Variants in RBMS3 observed in about 807,000 individuals in gnomAD.
RBMS3 encodes RNA binding motif single stranded interacting protein 3, also known as RNA-binding motif, single-stranded-interacting protein 3.
In RBMS3, 27 loss-of-function variants were observed where a neutral mutation model predicts 66.8. The observed-to-expected ratio is 0.40, with a 90% CI of 0.30 to 0.56. The LOEUF is 0.56. Ranked by LOEUF, RBMS3 falls within the 20% of genes least tolerant of loss-of-function variation. The probability of loss-of-function intolerance (pLI) is 0.40; values close to 1 mark genes in which losing one functional copy is unlikely to be tolerated. For missense variants in RBMS3, 513 were observed against 549.5 expected (o/e 0.93, Z 0.66); for synonymous variants, 188 against 183.0 (o/e 1.03, Z -0.22).
chr3:29,955,909 G>A (rs1163936935), intron 12 of RBMS3, among the ~76,000 whole-genome samples: 1 of 151,994 alleles, frequency 6.6e-6, no homozygotes, highest in Non-Finnish European at 1.5e-5. Context: ...CCCTTCACCT[G>A]ATTTTTCTCA....
intron 10 of RBMS3, among the ~76,000 whole-genome samples, chr3:29,906,537 C>T (rs2060382273): frequency 6.6e-6 from 1 of 152,040 alleles, no homozygotes; most frequent in Non-Finnish European, 1.5e-5. Context: ...TTTTGTAACA[C>T]ATGAAATAAA....
chr3:29,645,702 A>G (rs986329364), intron 4 of RBMS3, among the ~76,000 whole-genome samples: 1 of 152,172 alleles, frequency 6.6e-6, no homozygotes, highest in Non-Finnish European at 1.5e-5. Flanking sequence ...GGCAGAGTCT[A>G]CTTTGGGTTT....
chr3:29,569,836 C>A (rs1416670694), intron 3 of RBMS3, among the ~76,000 whole-genome samples: 1 of 152,012 alleles, frequency 6.6e-6, no homozygotes, highest in East Asian at 1.9e-4. Flanking sequence ...GGAATAAAAT[C>A]AGTTTTGCAA....
At chr3:29,989,316 G>T (rs1302073758) in intron 13 of RBMS3, among the ~76,000 whole-genome samples, 4 of 152,136 alleles carry the variant, frequency 2.6e-5, no homozygotes, top group African/African-American at 9.7e-5. Context: ...TATGCAGATG[G>T]TGGTAAAACA....
chr3:29,369,781 C>T (rs542631245), intron 1 of RBMS3, among the ~76,000 whole-genome samples: 7 of 151,830 alleles, frequency 4.6e-5, no homozygotes, highest in Non-Finnish European at 1.0e-4. Flanking sequence ...AAATTCTTTC[C>T]AGTAAAGAGG....
intron 3 of RBMS3, among the ~76,000 whole-genome samples, chr3:29,504,709 A>T (rs753672425): frequency 6.6e-6 from 1 of 151,986 alleles, no homozygotes; most frequent in Non-Finnish European, 1.5e-5. Context: ...CATTCCCACC[A>T]AGAATGTGCA....
At chr3:29,612,117 C>A (rs2048512408) in intron 4 of RBMS3, among the ~76,000 whole-genome samples, 1 of 151,854 alleles carries the variant, frequency 6.6e-6, no homozygotes, top group South Asian at 2.1e-4. Context: ...TAGAAGAGCA[C>A]CGACTTTACT....
At chr3:29,336,095 G>A (rs947743854) in intron 1 of RBMS3, among the ~76,000 whole-genome samples, 16 of 151,918 alleles carry the variant, frequency 1.1e-4, no homozygotes, top group Non-Finnish European at 4.4e-5. Flanking sequence ...GAATGAATTC[G>A]GCATCTTTAA....
At chr3:29,832,879 A>T (rs553687160) in intron 6 of RBMS3, among the ~76,000 whole-genome samples, 1 of 152,260 alleles carries the variant, frequency 6.6e-6, no homozygotes, top group South Asian at 2.1e-4. Context: ...GCCCCCTCCA[A>T]GCCAGCTCCC....
intron 4 of RBMS3, among the ~76,000 whole-genome samples, chr3:29,736,650 C>G (rs1160516375): frequency 6.6e-6 from 1 of 152,188 alleles, no homozygotes; most frequent in African/African-American, 2.4e-5. Flanking sequence ...TGATGAGGAA[C>G]TCCAAAGCTC....
intron 4 of RBMS3, among the ~76,000 whole-genome samples, chr3:29,738,736 G>T (rs2054489291): frequency 6.6e-6 from 1 of 152,170 alleles, no homozygotes; most frequent in Non-Finnish European, 1.5e-5. Flanking sequence ...TAGTTCTGTG[G>T]TGAGGCCTGA....
At chr3:29,410,647 A>T (rs1180719342) in intron 1 of RBMS3, among the ~76,000 whole-genome samples, 1 of 152,228 alleles carries the variant, frequency 6.6e-6, no homozygotes, top group Admixed American at 6.5e-5. Context: ...TAAAATTTTA[A>T]ATCTAAAACT....
At chr3:29,420,560 G>T (rs964184638) in intron 1 of RBMS3, among the ~76,000 whole-genome samples, 3 of 123,258 alleles carry the variant, frequency 2.4e-5, no homozygotes, top group Admixed American at 9.0e-5. Context: ...ACTTAGGTTT[G>T]TTTTTTTTTG....
chr3:29,712,335 C>T (rs1200908233), intron 4 of RBMS3, among the ~76,000 whole-genome samples: 2 of 151,984 alleles, frequency 1.3e-5, no homozygotes, highest in African/African-American at 2.4e-5. Flanking sequence ...TATTTTGAGA[C>T]AGGGTCTCAC....
At chr3:29,414,503 A>G (rs539070856) in intron 1 of RBMS3, among the ~76,000 whole-genome samples, 6 of 152,222 alleles carry the variant, frequency 3.9e-5, no homozygotes, top group Non-Finnish European at 7.3e-5. Flanking sequence ...AGTTTCTAGC[A>G]TCTTCCATTT....
chr3:29,346,701 A>T (rs1049528899), intron 1 of RBMS3, among the ~76,000 whole-genome samples: 10 of 152,044 alleles, frequency 6.6e-5, no homozygotes, highest in Non-Finnish European at 1.2e-4. Context: ...CCAGCAATTC[A>T]TTCTTATATC....
chr3:29,883,224 C>G (rs1436338912), intron 7 of RBMS3, among the ~76,000 whole-genome samples: 2 of 151,982 alleles, frequency 1.3e-5, no homozygotes, highest in Non-Finnish European at 2.9e-5. Context: ...TATTGATACT[C>G]AGGTCTAATT....
chr3:29,781,778 G>C (rs2056639403), intron 6 of RBMS3, among the ~76,000 whole-genome samples: 3 of 152,050 alleles, frequency 2.0e-5, no homozygotes, highest in Admixed American at 6.6e-5. Flanking sequence ...AATAGACTCA[G>C]TGCTGTTGTG....
At chr3:29,932,721 T>C (rs1035849797) in intron 10 of RBMS3, among the ~76,000 whole-genome samples, 3 of 152,190 alleles carry the variant, frequency 2.0e-5, no homozygotes, top group Non-Finnish European at 4.4e-5. Context: ...AATTAAAATA[T>C]TGAACTTTCA....
Sources: allele counts gnomAD v4.1 joint callset (sites outside exome capture counted in the v4.1 genomes callset), GRCh38; gene constraint gnomAD v4.1.1; transcripts MANE v1.5; gene names NCBI Gene and HGNC (gene_info 2026-07-23, HGNC 2026-07-21).